Variants in CDH4 observed in about 807,000 individuals in gnomAD.
The protein encoded by CDH4 is cadherin-4.
CDH4 carries 33 observed loss-of-function variants against 86.0 expected under a neutral mutation model. That is an observed-to-expected ratio of 0.38 (90% CI 0.29 to 0.51). CDH4 has a LOEUF of 0.51. Among genes scored for constraint, CDH4 ranks in the 20% least tolerant of loss-of-function variants. CDH4 has a pLI of 0.86. For missense variants in CDH4, 1,114 were observed against 1,307.4 expected (o/e 0.85, Z 2.28); for synonymous variants, 555 against 549.4 (o/e 1.01, Z -0.14).
chr20:61,551,907 G>A (rs891639471), intron 2 of CDH4, among the ~76,000 whole-genome samples: 5 of 152,204 alleles, frequency 3.3e-5, no homozygotes, highest in Non-Finnish European at 7.3e-5. Flanking sequence ...AACAAATTGT[G>A]CTGGGACAGC....
intron 2 of CDH4, among the ~76,000 whole-genome samples, chr20:61,504,065 G>C (rs2085723145): frequency 6.6e-6 from 1 of 152,158 alleles, no homozygotes; most frequent in African/African-American, 2.4e-5. Flanking sequence ...CCTGTTGTTG[G>C]ACCGAGGCAC....
chr20:61,779,520 A>G (rs1978425111), intron 4 of CDH4, among the ~76,000 whole-genome samples: 2 of 152,264 alleles, frequency 1.3e-5, no homozygotes, highest in African/African-American at 4.8e-5. Flanking sequence ...GGATGGCTCA[A>G]GTCAGCCCCC....
In CDH4 at chr20:61,605,901, A is replaced by C. The variant is rs532819610; in HGVS notation, c.170-137662A>C. ...GGCTGTGGAGGAAAAAAAAAAAAAA[A>C]AAAACAGGAAACCAGGTAGAGAGTG... On this transcript the variant is annotated intron_variant, in intron 2 of 15. Transcript: ENST00000614565. 3.3e-5 allele frequency among the ~76,000 whole-genome samples: 5 copies of C among 151,836 alleles called. No homozygotes were observed. In the East Asian group the frequency reaches 9.6e-4, roughly 29 times the overall value.
At chr20:61,691,443 C>T (rs993968839) in intron 2 of CDH4, among the ~76,000 whole-genome samples, 1 of 151,280 alleles carries the variant, frequency 6.6e-6, no homozygotes, top group African/African-American at 2.4e-5. Context: ...GCATGTGTGT[C>T]TGTGTGTATG....
intron 2 of CDH4, among the ~76,000 whole-genome samples, chr20:61,731,537 C>T (rs1407587778): frequency 6.6e-6 from 1 of 152,200 alleles, no homozygotes; most frequent in African/African-American, 2.4e-5. Flanking sequence ...GAAGCAGAGG[C>T]TTCAGGGCAG....
chr20:61,424,040 T>A (rs2085195268), intron 2 of CDH4, among the ~76,000 whole-genome samples: 2 of 151,906 alleles, frequency 1.3e-5, no homozygotes, highest in Non-Finnish European at 1.5e-5. Context: ...CACTCTCATA[T>A]CCACACACTC....
chr20:61,338,507 T>C (rs547647448), intron 2 of CDH4, among the ~76,000 whole-genome samples: 1 of 152,306 alleles, frequency 6.6e-6, no homozygotes, highest in South Asian at 2.1e-4. Context: ...CCGTCTGGAC[T>C]TGGGGACTTG....
Position 61,252,363 on chromosome 20 carries a change from G to T in CDH4, c.-151G>T. 1 of 198,974 alleles carries T rather than the reference G, an allele frequency of 5.0e-6. No individual in the cohort carries two copies. Among genetic ancestry groups the T allele is most frequent in the Non-Finnish European group, 8.8e-6 (1 of 113,278 alleles). The allele number at this position is 198,974 out of a possible 1,614,324, so 12.3% of individuals were successfully genotyped here. ...CCGGAGCCGGGGCGGCGAGCGCGGC[G>T]GGCGCAGCGGGGCTGGAGGCTCCGG... On this transcript the variant is annotated 5_prime_UTR_variant, in exon 1 of 16. Transcript: ENST00000614565. The surrounding 1 kb of genome is among the most constrained non-coding windows in gnomAD (Gnocchi z 4.4).
intron 2 of CDH4, among the ~76,000 whole-genome samples, chr20:61,659,708 G>C (rs4995106): frequency 6.8e-5 from 10 of 147,688 alleles, no homozygotes; most frequent in African/African-American, 2.3e-4. Context: ...TGGGCCTCAG[G>C]CATCCGAGGC....
chr20:61,476,131 ACTAAT>A (rs1332761125), intron 2 of CDH4, among the ~76,000 whole-genome samples: 24 of 152,250 alleles, frequency 1.6e-4, no homozygotes, highest in Admixed American at 9.8e-4. Flanking sequence ...CTGTTGGAAT[ACTAAT>A]CAGATTGAAA....
intron 4 of CDH4, among the ~76,000 whole-genome samples, chr20:61,825,317 G>A (rs889495311): frequency 2.0e-5 from 3 of 152,144 alleles, no homozygotes; most frequent in African/African-American, 4.8e-5. Flanking sequence ...GCTGAGGCAC[G>A]AGAATTGCTT....
At chr20:61,896,545 C>T (rs548680669) in intron 8 of CDH4, among the ~76,000 whole-genome samples, 9 of 152,344 alleles carry the variant, frequency 5.9e-5, no homozygotes, top group African/African-American at 2.2e-4. Context: ...AGGCTCCTGG[C>T]AGTGAGTCCA....
In CDH4 at chr20:61,377,753, A is replaced by G. The variant is rs2084880021; in HGVS notation, c.169+122816A>G. On this transcript the variant is annotated intron_variant, in intron 2 of 15. Coordinates refer to ENST00000614565, the MANE Select transcript of CDH4 (RefSeq NM_001794.5). This position sits in a 1 kb window ranked among gnomAD's most constrained non-coding sequence, Gnocchi z 4.0. Reference sequence around the variant, plus strand: ...TTCTTCAGTGCTGTGTAAAGGGTACATTCCATCTGTTCCCCATCTGGACTC... The same window carrying G: ...TTCTTCAGTGCTGTGTAAAGGGTACGTTCCATCTGTTCCCCATCTGGACTC... Among the ~76,000 whole-genome samples the G allele has an allele frequency of 6.6e-6, 1 of 152,244 alleles. No homozygotes were observed.
chr20:61,452,036 C>T (rs181320061), intron 2 of CDH4, among the ~76,000 whole-genome samples: 68 of 152,316 alleles, frequency 4.5e-4, no homozygotes, highest in African/African-American at 1.2e-3. Context: ...GGCTGTGGCC[C>T]CTTCCTGAGA....
At chr20:61,716,766 A>C (rs989163102) in intron 2 of CDH4, among the ~76,000 whole-genome samples, 3 of 152,088 alleles carry the variant, frequency 2.0e-5, no homozygotes, top group African/African-American at 7.2e-5. Flanking sequence ...AAAATTAGCT[A>C]GGTGTTTGGT....
chr20:61,764,120 C>G (rs1007548190), intron 3 of CDH4, among the ~76,000 whole-genome samples: 1 of 152,152 alleles, frequency 6.6e-6, no homozygotes, highest in African/African-American at 2.4e-5. Flanking sequence ...AAGACCCAGG[C>G]GGGGAGCAGG....
chr20:61,821,693 TG>T (rs1028089690), intron 4 of CDH4, among the ~76,000 whole-genome samples: 1 of 152,126 alleles, frequency 6.6e-6, no homozygotes, highest in Non-Finnish European at 1.5e-5. Context: ...GAAAGACCCT[TG>T]GGGGGGTCTA....
Position 61,292,072 on chromosome 20 carries a change from T to C in CDH4, c.169+37135T>C, listed in dbSNP as rs531575782. 7.2e-5 allele frequency among the ~76,000 whole-genome samples: 11 copies of C among 152,338 alleles called. No homozygotes were observed. The East Asian group carries it at 2.1e-3, about 29-fold the overall frequency. ...TTCATCCATGTCCCTGCAAGCAGTA[T>C]GGTGATTCCTCAAATAGCTCAAAGC... On this transcript the variant is annotated intron_variant, in intron 2 of 15. Coordinates refer to ENST00000614565, the MANE Select transcript of CDH4 (RefSeq NM_001794.5).
At chr20:61,556,610 T>C (rs764799261) in intron 2 of CDH4, among the ~76,000 whole-genome samples, 1 of 152,088 alleles carries the variant, frequency 6.6e-6, no homozygotes, top group Non-Finnish European at 1.5e-5. Context: ...GGTCCAAAAT[T>C]CCCGTTTTCA....
Sources: allele counts gnomAD v4.1 joint callset (sites outside exome capture counted in the v4.1 genomes callset), GRCh38; gene constraint gnomAD v4.1.1; non-coding constraint Gnocchi (gnomAD v3.1); transcripts MANE v1.5; gene names NCBI Gene and HGNC (gene_info 2026-07-23, HGNC 2026-07-21).